ASB11: variants seen among roughly 807,000 people sequenced by gnomAD.
The protein encoded by ASB11 is ankyrin repeat and SOCS box containing 11.
A neutral mutation model predicts 20.1 loss-of-function variants in ASB11; 17 were observed. The ratio of observed to expected loss-of-function variants is 0.85; its 90% CI spans 0.58 to 1.27. The LOEUF (loss-of-function observed/expected upper bound fraction) is 1.27, where lower values mean the gene tolerates loss of function less well. Among genes scored for constraint, ASB11 ranks in the 50% most tolerant of loss-of-function variants. ASB11 has a pLI of 0.00. For missense variants in ASB11, 259 were observed against 256.9 expected, an observed-to-expected ratio of 1.01 and a Z score of -0.06; for synonymous variants, 107 against 105.6, an observed-to-expected ratio of 1.01 and a Z score of -0.08.
chrX:15,307,556 C>A (rs920681922), intron 1 of ASB11, among the ~76,000 whole-genome samples: 3 of 112,295 alleles, frequency 2.7e-5, no homozygotes, highest in Non-Finnish European at 5.6e-5. Context: ...GGAGCTCAAG[C>A]AGTAATGTCC....
At chrX:15,313,900 A>T (rs896598181) in intron 1 of ASB11, among the ~76,000 whole-genome samples, 1 of 110,203 alleles carries the variant, frequency 9.1e-6, no homozygotes, top group Non-Finnish European at 1.9e-5. Context: ...AAATACAAAA[A>T]AATTAGCTGG....
intron 6 of ASB11, among the ~76,000 whole-genome samples, chrX:15,286,663 C>CAAAAAAAAAAAAAAAAAAAAAAAA (rs764801887): frequency 1.8e-5 from 1 of 54,375 alleles, no homozygotes; most frequent in African/African-American, 7.6e-5. Flanking sequence ...GACTCCATCT[C>CAAAAAAAAAAAAAAAAAAAAAAAA]AAAAAAAAAA....
chrX:15,286,472 C>G (rs1927387479), intron 6 of ASB11, among the ~76,000 whole-genome samples: 1 of 109,077 alleles, frequency 9.2e-6, no homozygotes. Context: ...CGAGACCATC[C>G]TGGCTAACAT....
At position 15,315,424 on chromosome X, in the gene ASB11, C is replaced by T. The variant is rs143404299; in HGVS notation, c.181+1G>A. On this transcript the variant is annotated splice_donor_variant, in intron 1 of 6. Coordinates refer to ENST00000480796, the MANE Select transcript of ASB11 (RefSeq NM_080873.3). LOFTEE classifies it high-confidence loss of function. ...TTAGGAACAAATTCATGTACTTTTA[C>T]CTGAAATTCCACCATAGATCTCTTC... 205 of 1,075,981 alleles carry T rather than the reference C, an allele frequency of 1.9e-4. 1 individual carries two copies. The highest frequency in any genetic ancestry group is 1.5e-4 in the Non-Finnish European group (128 of 827,142). The allele number at this position is 1,075,981 out of a possible 1,213,427, so 88.7% of individuals were successfully genotyped here. A position where few individuals can be genotyped will look rare whatever the true frequency, so the allele number is the denominator to read the frequency against.
chrX:15,284,218 C>G (rs780703213), intron 6 of ASB11, among the ~76,000 whole-genome samples: 1 of 100,401 alleles, frequency 1.0e-5, no homozygotes, highest in East Asian at 3.1e-4. Flanking sequence ...GGCCACTGCA[C>G]TCCAGCCTGG....
rs749548690 is a variant in ASB11 at position 15,302,708 on chromosome X, C to T, written c.261+20G>A. Reference sequence around the variant, plus strand: ...TAATTATAGCATAAGCATGAAGGATCAAGTCTTCAGTTCACTTACTTGTGC... The same window carrying T: ...TAATTATAGCATAAGCATGAAGGATTAAGTCTTCAGTTCACTTACTTGTGC... On this transcript the variant is annotated intron_variant, in intron 2 of 6. Coordinates refer to ENST00000480796, the MANE Select transcript of ASB11 (RefSeq NM_080873.3). 1.8e-5 allele frequency: 21 copies of T among 1,169,779 alleles called. No individual in the cohort carries two copies. The highest frequency in any genetic ancestry group is 2.4e-5 in the Non-Finnish European group (21 of 859,166).
At position 15,288,020 on chromosome X, in the gene ASB11, C is replaced by T. The variant is rs137906487; in HGVS notation, c.708G>A (p.Ala236=). ...QWLDTPLHAA[A]RQSNVEVIHL... is the part of the protein sequence containing the mutation. ...GGATGACCTCCACATTGGACTGCCT[C>T]GCTGCAGCATGGAGTGGGGTGTCCA... is the stretch of plus-strand genomic sequence containing the variant. Residue 236 remains alanine, a synonymous_variant, in exon 6 of 7, where the codon GCG becomes GCA. Transcript: ENST00000480796. The T allele has an allele frequency of 1.1e-5, 13 of 1,210,602 alleles. No homozygotes were observed. The highest frequency in any genetic ancestry group is 1.5e-5 in the Non-Finnish European group (13 of 895,376).
chrX:15,295,799 A>G (rs1920960186), intron 3 of ASB11, among the ~76,000 whole-genome samples: 1 of 112,572 alleles, frequency 8.9e-6, no homozygotes, highest in South Asian at 3.7e-4. Context: ...GTGCCCAACA[A>G]AACCTCCTCT....
At position 15,310,289 on chromosome X, in the gene ASB11, T is replaced by C. The variant is rs903160468; in HGVS notation, c.181+5136A>G. 3.6e-5 allele frequency among the ~76,000 whole-genome samples: 4 copies of C among 111,893 alleles called. No individual in the cohort carries two copies. In the East Asian group the frequency reaches 1.1e-3, roughly 31 times the overall value. ...CCCTTCAGGAAGTATGCAACTGAGC[T>C]CTCCAAATAAATGAATGCTTAAGTA... On this transcript the variant is annotated intron_variant, in intron 1 of 6. Coordinates refer to ENST00000480796, the MANE Select transcript of ASB11 (RefSeq NM_080873.3).
intron 2 of ASB11, among the ~76,000 whole-genome samples, chrX:15,298,710 G>A (rs1920992233): frequency 8.9e-6 from 1 of 111,734 alleles, no homozygotes; most frequent in East Asian, 2.8e-4. Context: ...GTGAATAACA[G>A]TAGGTATGAG....
intron 1 of ASB11, among the ~76,000 whole-genome samples, chrX:15,310,170 G>A (rs981340264): frequency 9.1e-6 from 1 of 109,472 alleles, no homozygotes; most frequent in Admixed American, 9.9e-5. Flanking sequence ...TCCCAACAGA[G>A]TCTCTCACTC....
intron 1 of ASB11, among the ~76,000 whole-genome samples, chrX:15,308,148 G>T (rs1921303671): frequency 8.9e-6 from 1 of 112,330 alleles, no homozygotes; most frequent in Non-Finnish European, 1.9e-5. Flanking sequence ...GGAAGAGGAG[G>T]CTGGTCCTGC....
intron 2 of ASB11, among the ~76,000 whole-genome samples, chrX:15,298,007 A>G (rs1451611594): frequency 5.3e-5 from 6 of 112,484 alleles, no homozygotes; most frequent in Non-Finnish European, 3.8e-5. Flanking sequence ...TTTATCCAAA[A>G]GAATGTTAAT....
Position 15,293,206 on chromosome X carries a change from G to T in ASB11, c.484C>A (p.His162Asn). ...GCCTCATGGATGGGCGAGGCCAGGT[G>T]CACCTCCAACTGGGCCTTGGCTCCG... Reference protein sequence around the residue: ...EFGAKAQLEVHLASPIHEAVK... With the variant: ...EFGAKAQLEVNLASPIHEAVK... Residue 162 changes from histidine (H) to asparagine (N), a missense_variant, in exon 4 of 7, where the codon CAC (histidine) becomes AAC (asparagine). His to Asn is a moderately conservative substitution (Grantham distance 68, BLOSUM62 1). Coordinates refer to ENST00000480796, the MANE Select transcript of ASB11 (RefSeq NM_080873.3). 1.7e-6 allele frequency: 2 copies of T among 1,211,582 alleles called. No homozygotes were observed. Among genetic ancestry groups the T allele is most frequent in the South Asian group, 3.5e-5 (2 of 56,890 alleles).
intron 1 of ASB11, among the ~76,000 whole-genome samples, chrX:15,311,144 G>T (rs1921419202): frequency 1.8e-5 from 2 of 112,762 alleles, no homozygotes; most frequent in Admixed American, 1.9e-4. Flanking sequence ...TGGGAAAATA[G>T]AATGTATTTC....
intron 6 of ASB11, among the ~76,000 whole-genome samples, chrX:15,285,820 A>C (rs901880662): frequency 6.4e-5 from 7 of 110,187 alleles, no homozygotes; most frequent in African/African-American, 2.3e-4. Context: ...CCTAGCCAAC[A>C]TGATGAAACC....
At chrX:15,309,217 G>A (rs1921342572) in intron 1 of ASB11, among the ~76,000 whole-genome samples, 1 of 110,509 alleles carries the variant, frequency 9.0e-6, no homozygotes, top group African/African-American at 3.3e-5. Flanking sequence ...GTGCCCGGAT[G>A]CTTCTTCTGT....
At chrX:15,313,662 G>C (rs1406694198) in intron 1 of ASB11, among the ~76,000 whole-genome samples, 2 of 111,777 alleles carry the variant, frequency 1.8e-5, no homozygotes, top group Non-Finnish European at 3.8e-5. Flanking sequence ...CAGAATGAAC[G>C]AACTGTATTT....
intron 1 of ASB11, among the ~76,000 whole-genome samples, chrX:15,307,524 C>A (rs1470342548): frequency 8.9e-6 from 1 of 112,226 alleles, no homozygotes; most frequent in Non-Finnish European, 1.9e-5. Context: ...AATCTAATGC[C>A]ACCACTGATC....
Sources: gnomAD v4.1 joint callset for allele counts (sites outside exome capture counted in the v4.1 genomes callset) on GRCh38, gnomAD v4.1.1 for gene constraint, MANE v1.5 for transcripts, NCBI Gene and HGNC (gene_info 2026-07-23, HGNC 2026-07-21) for gene names.